ADARB2: variants seen among roughly 807,000 people sequenced by gnomAD.
ADARB2 encodes inactive double-stranded RNA-specific editase B2.
Under a neutral mutation model 62.2 loss-of-function variants are expected in ADARB2, and 25 were observed. The observed-to-expected ratio is 0.40, with a 90% confidence interval of 0.29 to 0.56. The LOEUF (loss-of-function observed/expected upper bound fraction) is 0.56. Among genes scored for constraint, ADARB2 ranks in the 20% least tolerant of loss-of-function variants. The probability of loss-of-function intolerance (pLI) is 0.43; values close to 1 mark genes in which losing one functional copy is unlikely to be tolerated. For missense variants in ADARB2, 1,071 were observed against 1,077.4 expected (o/e 0.99, Z 0.08); for synonymous variants, 572 against 500.8 (o/e 1.14, Z -1.90).
At chr10:1,616,579 C>T (rs1249441276) in intron 1 of ADARB2, among the ~76,000 whole-genome samples, 8 of 144,978 alleles carry the variant, frequency 5.5e-5, no homozygotes, top group Non-Finnish European at 1.2e-4. Flanking sequence ...CACCACCCTG[C>T]TGTGCTCTGC....
intron 7 of ADARB2, among the ~76,000 whole-genome samples, chr10:1,214,475 CT>C (rs1448693638): frequency 1.4e-5 from 2 of 145,710 alleles, no homozygotes; most frequent in Admixed American, 1.4e-4. Flanking sequence ...GGGTTTGCCC[CT>C]GTGCCTGGAC....
intron 3 of ADARB2, among the ~76,000 whole-genome samples, chr10:1,345,639 C>T (rs956385438): frequency 2.6e-5 from 4 of 152,070 alleles, no homozygotes; most frequent in African/African-American, 4.8e-5. Flanking sequence ...TGCTGTGTTT[C>T]CCCCCGTGAC....
intron 3 of ADARB2, among the ~76,000 whole-genome samples, chr10:1,340,967 ATGCCC>A (rs2131838613): frequency 6.8e-6 from 1 of 146,284 alleles, no homozygotes; most frequent in South Asian, 2.2e-4. Context: ...AGAGAACCAC[ATGCCC>A]CAAAGCAGTG....
intron 1 of ADARB2, among the ~76,000 whole-genome samples, chr10:1,470,864 T>A (rs1831312682): frequency 6.6e-6 from 1 of 152,072 alleles, no homozygotes; most frequent in Admixed American, 6.5e-5. Context: ...ATCGAGACCA[T>A]CCTGGCTAAC....
At chr10:1,700,175 A>G (rs71500165) in intron 1 of ADARB2, among the ~76,000 whole-genome samples, 41 of 5,846 alleles carry the variant, frequency 7.0e-3, no homozygotes, top group African/African-American at 0.015. Context: ...GCCAACACAC[A>G]CAATCCCACT....
intron 3 of ADARB2, among the ~76,000 whole-genome samples, chr10:1,305,752 G>T (rs1353852233): frequency 2.6e-5 from 4 of 152,124 alleles, no homozygotes; most frequent in African/African-American, 4.8e-5. Context: ...TTCAACATAC[G>T]AAAATCAATA....
chr10:1,346,349 C>A (rs1258566668), intron 3 of ADARB2, among the ~76,000 whole-genome samples: 1 of 152,184 alleles, frequency 6.6e-6, no homozygotes, highest in African/African-American at 2.4e-5. Flanking sequence ...ACCGCGAGAA[C>A]CCCTCAGCCC....
intron 3 of ADARB2, among the ~76,000 whole-genome samples, chr10:1,296,891 C>T (rs1355641494): frequency 6.6e-6 from 1 of 152,208 alleles, no homozygotes; most frequent in East Asian, 1.9e-4. Flanking sequence ...CAGCCTGGCT[C>T]CTTGCTAAGA....
At chr10:1,733,313 A>G (rs2119050569) in intron 1 of ADARB2, among the ~76,000 whole-genome samples, 1 of 152,334 alleles carries the variant, frequency 6.6e-6, no homozygotes, top group East Asian at 1.9e-4. Flanking sequence ...AAAATTCTGG[A>G]AACTTCAGTC....
intron 3 of ADARB2, among the ~76,000 whole-genome samples, chr10:1,307,823 C>T (rs1277023972): frequency 5.0e-5 from 6 of 119,748 alleles, no homozygotes; most frequent in East Asian, 3.4e-4. Flanking sequence ...AGTAAACTAT[C>T]GCAAGAACAA....
At chr10:1,608,340 G>A (rs564999011) in intron 1 of ADARB2, among the ~76,000 whole-genome samples, 12 of 152,288 alleles carry the variant, frequency 7.9e-5, no homozygotes, top group African/African-American at 2.9e-4. Flanking sequence ...CTGCTGAGAT[G>A]TTTGTCCAAG....
intron 1 of ADARB2, among the ~76,000 whole-genome samples, chr10:1,429,996 A>G (rs1830763818): frequency 6.6e-6 from 1 of 152,236 alleles, no homozygotes; most frequent in Non-Finnish European, 1.5e-5. Flanking sequence ...GGGCTTCAAA[A>G]TGGAAAGAAC....
At chr10:1,679,954 A>G (rs1195050997) in intron 1 of ADARB2, among the ~76,000 whole-genome samples, 3 of 152,040 alleles carry the variant, frequency 2.0e-5, no homozygotes, top group Non-Finnish European at 2.9e-5. Context: ...CTCCCTTCCC[A>G]CAGACTCCAG....
rs79143765 is a variant in ADARB2 at position 1,178,689 on chromosome 10, C to T, written c.*4504G>A. On this transcript the variant is annotated 3_prime_UTR_variant, in exon 10 of 10. Coordinates refer to ENST00000381312, the MANE Select transcript of ADARB2 (RefSeq NM_018702.4). ...GCTGCCTGGGGGTGCTACTGCCTCTCCTGCAACACAGGGCTTCTAAATTTC... is the reference window on the plus strand; with the variant it reads ...GCTGCCTGGGGGTGCTACTGCCTCTTCTGCAACACAGGGCTTCTAAATTTC... 2.0e-5 allele frequency: 3 copies of T among 152,220 alleles called. No individual in the cohort carries two copies. Among genetic ancestry groups the T allele is most frequent in the Admixed American group, 6.5e-5 (1 of 15,280 alleles). The allele number at this position is 152,220 out of a possible 1,614,324, so 9.4% of individuals were successfully genotyped here.
At position 1,426,041 on chromosome 10, in the gene ADARB2, G is replaced by A. The variant is rs964443741; in HGVS notation, c.101-46881C>T. Among the ~76,000 whole-genome samples, 51 of 152,096 alleles carry A rather than the reference G, an allele frequency of 3.4e-4. No individual in the cohort carries two copies. The highest frequency in any genetic ancestry group is 1.0e-3 in the African/African-American group (42 of 41,416). On this transcript the variant is annotated intron_variant, in intron 1 of 9. Coordinates refer to ENST00000381312, the MANE Select transcript of ADARB2 (RefSeq NM_018702.4). The surrounding 1 kb of genome is among the most constrained non-coding windows in gnomAD (Gnocchi z 4.1). ...TCAGGAGGTTAGAGTTTCCTTCCTC[G>A]ACTCAAGCAGTCATTCTGAGCATGT...
intron 1 of ADARB2, among the ~76,000 whole-genome samples, chr10:1,546,281 T>C (rs1372716640): frequency 1.3e-5 from 2 of 152,232 alleles, no homozygotes; most frequent in Non-Finnish European, 2.9e-5. Context: ...GTGGTCCCAG[T>C]GATTGGCTTT....
intron 6 of ADARB2, among the ~76,000 whole-genome samples, chr10:1,231,066 G>T (rs887340148): frequency 3.9e-5 from 6 of 152,130 alleles, no homozygotes; most frequent in Non-Finnish European, 7.3e-5. Flanking sequence ...GTACAGAGAT[G>T]TGGGAGGCCC....
intron 1 of ADARB2, among the ~76,000 whole-genome samples, chr10:1,379,727 C>T (rs151266132): frequency 9.0e-4 from 137 of 152,300 alleles, no homozygotes; most frequent in Middle Eastern, 6.8e-3. Flanking sequence ...CTCCCGGAAA[C>T]GGCCAAGCGT....
chr10:1,642,315 C>G (rs964471392), intron 1 of ADARB2, among the ~76,000 whole-genome samples: 5 of 151,990 alleles, frequency 3.3e-5, no homozygotes, highest in African/African-American at 1.2e-4. Flanking sequence ...CACCCAAATC[C>G]TTTAACTTCA....
Sources: allele counts gnomAD v4.1 joint callset (sites outside exome capture counted in the v4.1 genomes callset), GRCh38; gene constraint gnomAD v4.1.1; non-coding constraint Gnocchi (gnomAD v3.1); transcripts MANE v1.5; gene names NCBI Gene and HGNC (gene_info 2026-07-23, HGNC 2026-07-21).